Variants in CABP1 observed in about 807,000 individuals in gnomAD.
CABP1 encodes calcium-binding protein 1.
A neutral mutation model predicts 34.3 loss-of-function variants in CABP1; 17 were observed. The observed-to-expected ratio is 0.50, with a 90% CI of 0.34 to 0.74. CABP1 has a LOEUF of 0.74. CABP1 is among the 30% of genes least tolerant of loss of function. The pLI is 0.01. For missense variants in CABP1, 373 were observed against 511.1 expected (o/e 0.73, Z 2.61); for synonymous variants, 198 against 229.2 (o/e 0.86, Z 1.23).
At chr12:120,677,116 C>T in the CABP1 span, among the ~76,000 whole-genome samples, 1 of 137,550 alleles carries the variant, frequency 7.3e-6, no homozygotes, top group Non-Finnish European at 1.5e-5. Flanking sequence ...GAGATAGAGT[C>T]TCACTCTGTT....
intron 1 of CABP1, among the ~76,000 whole-genome samples, chr12:120,642,419 C>T (rs1012741624): frequency 8.5e-5 from 13 of 152,198 alleles, no homozygotes; most frequent in Non-Finnish European, 1.5e-4. Context: ...CAGATCTGCA[C>T]ATTTCTTTTC....
intron 1 of CABP1, among the ~76,000 whole-genome samples, chr12:120,653,229 C>T (rs945275239): frequency 4.6e-5 from 7 of 152,178 alleles, no homozygotes; most frequent in Non-Finnish European, 7.3e-5. Flanking sequence ...CTGCCACCAC[C>T]ATCATCATCG....
chr12:120,642,889 A>C (rs2137325337), intron 1 of CABP1, among the ~76,000 whole-genome samples: 1 of 147,610 alleles, frequency 6.8e-6, no homozygotes, highest in South Asian at 2.2e-4. Flanking sequence ...AGTGAACCAG[A>C]TAGCCAGGGC....
At chr12:120,644,914 C>T (rs956600998) in intron 1 of CABP1, among the ~76,000 whole-genome samples, 13 of 152,198 alleles carry the variant, frequency 8.5e-5, no homozygotes, top group African/African-American at 2.4e-4. Flanking sequence ...AAGCCATTCA[C>T]GTGCTTCAGC....
At position 120,656,254 on chromosome 12, in the gene CABP1, C is replaced by T. The variant is rs372195866; in HGVS notation, c.655-3624C>T. On this transcript the variant is annotated intron_variant, in intron 1 of 5. Transcript: ENST00000316803. ...CCTGCATTTTCCTGCGCAAGGGCTT[C>T]GCTGAGAACAGGCAGCCTGTACGTA... The T allele has an allele frequency of 4.9e-5, 77 of 1,563,730 alleles. 1 individual carries two copies. Among genetic ancestry groups the T allele is most frequent in the South Asian group, 3.2e-4 (27 of 84,864 alleles).
the CABP1 span, among the ~76,000 whole-genome samples, chr12:120,678,053 G>A: frequency 1.3e-5 from 2 of 152,124 alleles, no homozygotes; most frequent in Non-Finnish European, 2.9e-5. Flanking sequence ...GGATGGCTCT[G>A]GTCCCTCTGT....
downstream of CABP1, among the ~76,000 whole-genome samples, chr12:120,669,170 T>C (rs568288221): frequency 6.6e-6 from 1 of 152,316 alleles, no homozygotes; most frequent in Admixed American, 6.5e-5. Context: ...GGATCCTTAT[T>C]CTCAGACCTG....
intron 1 of CABP1, chr12:120,650,649 T>A: frequency 1.2e-6 from 2 of 1,614,086 alleles, no homozygotes; most frequent in Non-Finnish European, 1.7e-6. Flanking sequence ...TGGGCAACTG[T>A]GTCAAGTATC....
At chr12:120,658,651 G>A (rs372849079) in intron 1 of CABP1, among the ~76,000 whole-genome samples, 34 of 152,272 alleles carry the variant, frequency 2.2e-4, no homozygotes, top group African/African-American at 6.3e-4. Context: ...TGGTGTTGTC[G>A]TCTTTTGTCC....
intron 1 of CABP1, among the ~76,000 whole-genome samples, chr12:120,654,826 T>C (rs1880071357): frequency 6.6e-6 from 1 of 152,214 alleles, no homozygotes; most frequent in Non-Finnish European, 1.5e-5. Context: ...GCGGACTTTT[T>C]ATAGCCGCAT....
chr12:120,677,034 C>A, the CABP1 span, among the ~76,000 whole-genome samples: 3 of 150,754 alleles, frequency 2.0e-5, no homozygotes, highest in African/African-American at 7.3e-5. Flanking sequence ...GCAGCCTGGG[C>A]AACATAGTGA....
the CABP1 span, among the ~76,000 whole-genome samples, chr12:120,672,758 A>C: frequency 1.3e-5 from 2 of 148,538 alleles, no homozygotes; most frequent in South Asian, 4.3e-4. Context: ...GGCTGGGCGC[A>C]GTGGCTCACG....
At chr12:120,670,525 A>G (rs1395281935), downstream of CABP1, among the ~76,000 whole-genome samples, 3 of 152,116 alleles carry the variant, frequency 2.0e-5, no homozygotes, top group African/African-American at 7.2e-5. Flanking sequence ...AGATGGGTGG[A>G]TCGCTTGAGG....
chr12:120,642,995 GA>G lies in CABP1; in HGVS notation c.654+1673del, dbSNP rs55874841. On this transcript the variant is annotated intron_variant, in intron 1 of 5. Transcript: ENST00000316803. ...TTGCAGCTGATCTGACTCAGCTCCT[GA>G]AAAAAAAAAAAAAAAAGAGTCCTTT... Among the ~76,000 whole-genome samples, 52 of 69,498 alleles carry G rather than the reference GA, an allele frequency of 7.5e-4. 1 individual carries two copies. The highest frequency in any genetic ancestry group is 1.0e-3 in the Admixed American group (6 of 6,020). 45.6% of individuals were successfully genotyped at this position (69,498 alleles called of 152,430 possible).
the CABP1 span, among the ~76,000 whole-genome samples, chr12:120,674,417 CT>C: frequency 6.6e-6 from 1 of 152,234 alleles, no homozygotes. Flanking sequence ...GAGGGGCTGT[CT>C]GCAAGGCAGC....
chr12:120,657,199 A>G (rs1473497527), intron 1 of CABP1, among the ~76,000 whole-genome samples: 2 of 152,226 alleles, frequency 1.3e-5, no homozygotes, highest in Admixed American at 6.5e-5. Flanking sequence ...TCAAATTTAC[A>G]TAGCCACATG....
the CABP1 span, among the ~76,000 whole-genome samples, chr12:120,676,085 A>G: frequency 3.3e-5 from 5 of 152,322 alleles, no homozygotes; most frequent in Non-Finnish European, 5.9e-5. Context: ...TCAAAAAATA[A>G]AAAACAGCCT....
At chr12:120,659,810 C>T in intron 1 of CABP1, 68 bp from the exon 2 acceptor site, 1 of 1,519,908 alleles carries the variant, frequency 6.6e-7, no homozygotes, top group Non-Finnish European at 9.1e-7. Flanking sequence ...TGGATGGCCC[C>T]CAGGTTAGGT....
chr12:120,644,781 T>A (rs2137327459), intron 1 of CABP1, among the ~76,000 whole-genome samples: 1 of 152,310 alleles, frequency 6.6e-6, no homozygotes, highest in Admixed American at 6.5e-5. Context: ...GCCTCCGGAC[T>A]TCAGAGGCTT....
Sources: gnomAD v4.1 joint callset for allele counts (sites outside exome capture counted in the v4.1 genomes callset) on GRCh38, gnomAD v4.1.1 for gene constraint, MANE v1.5 for transcripts, NCBI Gene and HGNC (gene_info 2026-07-23, HGNC 2026-07-21) for gene names.